DNAJC11: variants seen among roughly 807,000 people sequenced by gnomAD.
DNAJC11 encodes the protein dnaJ homolog subfamily C member 11.
In DNAJC11, 15 loss-of-function variants were observed where a neutral mutation model predicts 78.6. The ratio of observed to expected loss-of-function variants is 0.19; its 90% confidence interval spans 0.13 to 0.29. DNAJC11 has a LOEUF of 0.29. Among genes scored for constraint, DNAJC11 ranks in the 10% least tolerant of loss-of-function variants. The pLI is 1.00. For missense variants in DNAJC11, 547 were observed against 709.6 expected, an observed-to-expected ratio of 0.77 and a Z score of 2.60; for synonymous variants, 292 against 272.1, an observed-to-expected ratio of 1.07 and a Z score of -0.72.
rs1327211063 is a variant in DNAJC11 at position 6,653,425 on chromosome 1, C to T, written c.508-474G>A. 6.6e-6 allele frequency among the ~76,000 whole-genome samples: 1 copy of T among 152,136 alleles called. No homozygotes were observed. Among genetic ancestry groups the T allele is most frequent in the East Asian group, 1.9e-4 (1 of 5,198 alleles). On this transcript the variant is annotated intron_variant, in intron 5 of 15. Coordinates refer to ENST00000377577, the MANE Select transcript of DNAJC11 (RefSeq NM_018198.4). This position sits in a 1 kb window ranked among gnomAD's most constrained non-coding sequence, Gnocchi z 4.5. ...AGAATAAATTAATGAGCTGAGGAGA[C>T]AAAGACCTACTATAAACGCTCAGGA...
chr1:6,649,961 CTACAA>C (rs1642028871), intron 7 of DNAJC11, among the ~76,000 whole-genome samples: 2 of 151,992 alleles, frequency 1.3e-5, no homozygotes, highest in African/African-American at 4.8e-5. Context: ...TTTGTACAGC[CTACAA>C]TACATGTTTG....
At chr1:6,657,706 A>G (rs1005436485) in intron 4 of DNAJC11, among the ~76,000 whole-genome samples, 11 of 152,184 alleles carry the variant, frequency 7.2e-5, no homozygotes, top group Admixed American at 1.3e-4. Context: ...GTGCAGTGGC[A>G]CGATCTCGGC....
intron 3 of DNAJC11, among the ~76,000 whole-genome samples, chr1:6,669,956 AT>A (rs538878984): frequency 1.6e-3 from 237 of 145,246 alleles, no homozygotes; most frequent in South Asian, 6.6e-3. Flanking sequence ...TCAAAAAATA[AT>A]TTTTTTTTTT....
chr1:6,692,706 G>A (rs2147885613), intron 1 of DNAJC11, among the ~76,000 whole-genome samples: 1 of 151,122 alleles, frequency 6.6e-6, no homozygotes, highest in Admixed American at 6.7e-5. Context: ...TGCCTCCCGG[G>A]TTCAAGTGAA....
intron 1 of DNAJC11, among the ~76,000 whole-genome samples, chr1:6,683,473 G>A (rs1372777579): frequency 6.6e-6 from 1 of 152,168 alleles, no homozygotes; most frequent in African/African-American, 2.4e-5. Context: ...CAAAAACTTA[G>A]GAATTATAGC....
intron 14 of DNAJC11, among the ~76,000 whole-genome samples, chr1:6,636,821 G>A (rs1641783526): frequency 6.6e-6 from 1 of 152,152 alleles, no homozygotes; most frequent in Non-Finnish European, 1.5e-5. Flanking sequence ...GGCTGTCCTT[G>A]TCAGACTGAA....
intron 3 of DNAJC11, among the ~76,000 whole-genome samples, chr1:6,676,191 G>A (rs1302921158): frequency 6.6e-6 from 1 of 152,184 alleles, no homozygotes; most frequent in Non-Finnish European, 1.5e-5. Flanking sequence ...AGAAGAGCCA[G>A]ACATAACGCA....
chr1:6,674,071 A>G (rs1265209292), intron 3 of DNAJC11, among the ~76,000 whole-genome samples: 3 of 152,214 alleles, frequency 2.0e-5, no homozygotes, highest in African/African-American at 7.2e-5. Context: ...ACCCTGTCAA[A>G]GTATTCACAG....
intron 3 of DNAJC11, among the ~76,000 whole-genome samples, chr1:6,674,969 G>A (rs1331509111): frequency 3.9e-5 from 6 of 152,172 alleles, no homozygotes; most frequent in Non-Finnish European, 7.3e-5. Context: ...CAACTGAAGA[G>A]TTTAACAGTC....
chr1:6,644,140 A>T (rs573747913), intron 10 of DNAJC11, among the ~76,000 whole-genome samples: 382 of 144,240 alleles, frequency 2.6e-3, no homozygotes, highest in African/African-American at 9.3e-3. Context: ...TTTTTTTTTT[A>T]TATTTTTTGA....
intron 15 of DNAJC11, 86 bp downstream of exon 15, chr1:6,636,031 A>G: frequency 6.7e-7 from 1 of 1,502,534 alleles, no homozygotes; most frequent in Non-Finnish European, 8.9e-7. Flanking sequence ...AGGAAGGTGG[A>G]AGGTGGCTGG....
At chr1:6,688,255 T>C (rs1642688393) in intron 1 of DNAJC11, among the ~76,000 whole-genome samples, 1 of 152,230 alleles carries the variant, frequency 6.6e-6, no homozygotes, top group South Asian at 2.1e-4. Context: ...TAAAGGCATA[T>C]GTTTGAATTT....
rs778701016 is a variant in DNAJC11, at chr1:6,651,514, G to A, written c.704+15C>T. The A allele has an allele frequency of 1.4e-5, 23 of 1,611,466 alleles. No homozygotes were observed. In the South Asian group the frequency reaches 2.1e-4, roughly 15 times the overall value. On this transcript the variant is annotated intron_variant, in intron 7 of 15. Transcript: ENST00000377577. ...CAAAGACCACCAAAGAGGAGCTGCT[G>A]TCTCTCATATTTACCATCTTGGTGT...
chr1:6,689,831 G>A (rs1642716998), intron 1 of DNAJC11, among the ~76,000 whole-genome samples: 1 of 151,854 alleles, frequency 6.6e-6, no homozygotes, highest in South Asian at 2.1e-4. Flanking sequence ...GGCTATGTAA[G>A]GAGGACAGGG....
intron 10 of DNAJC11, among the ~76,000 whole-genome samples, chr1:6,640,807 A>G (rs1570264758): frequency 6.6e-6 from 1 of 152,240 alleles, no homozygotes; most frequent in East Asian, 1.9e-4. Flanking sequence ...ACAAGAGGAA[A>G]AGGACTGAGG....
In DNAJC11 at chr1:6,645,103, T is replaced by A; in HGVS notation, c.918A>T (p.Ala306=). ...ALQLGIPHSF[A]LISYQHKFQD... ...GGAATTTGTGCTGATAGCTGATCAG[T>A]GCAAAGGAGTGAGGGATTCCCAGCT... The change falls in exon 9 of 16, where the codon GCA becomes GCT. Residue 306 remains alanine (A), a synonymous_variant. Transcript: ENST00000377577. The surrounding 1 kb of genome is among the most constrained non-coding windows in gnomAD (Gnocchi z 4.1). The A allele has an allele frequency of 1.9e-6, 3 of 1,613,444 alleles. No homozygotes were observed. Among genetic ancestry groups the A allele is most frequent in the Non-Finnish European group, 2.5e-6 (3 of 1,179,486 alleles).
chr1:6,693,736 C>T (rs190441045), intron 1 of DNAJC11, among the ~76,000 whole-genome samples: 94 of 152,002 alleles, frequency 6.2e-4, no homozygotes, highest in African/African-American at 2.2e-3. Flanking sequence ...GACAAAGTCT[C>T]GCTCTGTCGC....
At chr1:6,655,972 C>T (rs56020936) in intron 4 of DNAJC11, among the ~76,000 whole-genome samples, 2,637 of 151,444 alleles carry the variant, frequency 0.017, 36 homozygotes, top group Non-Finnish European at 0.028. Flanking sequence ...CGTGGTGGTG[C>T]GCACCTATAA....
intron 10 of DNAJC11, among the ~76,000 whole-genome samples, chr1:6,643,763 G>T (rs1235456089): frequency 1.3e-5 from 2 of 152,190 alleles, no homozygotes; most frequent in African/African-American, 4.8e-5. Context: ...CTGCTAGGAT[G>T]CATCCTGTGA....
Sources: allele counts gnomAD v4.1 joint callset (sites outside exome capture counted in the v4.1 genomes callset), GRCh38; gene constraint gnomAD v4.1.1; non-coding constraint Gnocchi (gnomAD v3.1); transcripts MANE v1.5; gene names NCBI Gene and HGNC (gene_info 2026-07-23, HGNC 2026-07-21).